NDFIP1: variants seen among roughly 807,000 people sequenced by gnomAD.
NDFIP1 encodes the protein Nedd4 family interacting protein 1.
A neutral mutation model predicts 28.8 loss-of-function variants in NDFIP1; 7 were observed. The ratio of observed to expected loss-of-function variants is 0.24; its 90% CI spans 0.14 to 0.46. The LOEUF is 0.46. NDFIP1 is among the 20% of genes least tolerant of loss of function. NDFIP1 has a pLI of 0.99. For missense variants in NDFIP1, 194 were observed against 269.1 expected (o/e 0.72, Z 1.95); for synonymous variants, 92 against 101.0 (o/e 0.91, Z 0.53).
chr5:142,110,243 C>T (rs1243395990), intron 1 of NDFIP1, among the ~76,000 whole-genome samples: 5 of 152,176 alleles, frequency 3.3e-5, no homozygotes, highest in Admixed American at 3.3e-4. Context: ...TGTGGCAATG[C>T]AGTTAATCCT....
chr5:142,147,727 G>A (rs938764936), intron 7 of NDFIP1, among the ~76,000 whole-genome samples: 12 of 152,206 alleles, frequency 7.9e-5, no homozygotes, highest in African/African-American at 2.9e-4. Context: ...CATGTACAGT[G>A]ATTCTTCTAG....
intron 7 of NDFIP1, among the ~76,000 whole-genome samples, chr5:142,145,478 T>A (rs949052451): frequency 6.6e-5 from 10 of 152,168 alleles, no homozygotes; most frequent in Admixed American, 4.6e-4. Context: ...CTTTGGGGAC[T>A]GTGTTAATCA....
chr5:142,141,703 G>A lies in NDFIP1; in HGVS notation c.562+1074G>A, dbSNP rs1561604150. Among the ~76,000 whole-genome samples, 16 of 152,256 alleles carry A rather than the reference G, an allele frequency of 1.1e-4. No homozygotes were observed. In the South Asian group the frequency reaches 3.1e-3, roughly 30 times the overall value. ...AAAGATGGTGTGATTGCCTCACTGT[G>A]CTTCTGTGACATCAGTTTCTCCTAT... On this transcript the variant is annotated intron_variant, in intron 6 of 7. Transcript: ENST00000253814.
At chr5:142,126,060 G>A (rs1757167482) in intron 1 of NDFIP1, among the ~76,000 whole-genome samples, 1 of 152,032 alleles carries the variant, frequency 6.6e-6, no homozygotes, top group Non-Finnish European at 1.5e-5. Context: ...AAATAATTTG[G>A]TGATGTTAGA....
At position 142,145,375 on chromosome 5, in the gene NDFIP1, T is replaced by G. The variant is rs545989704; in HGVS notation, c.*2+699T>G. Among the ~76,000 whole-genome samples the G allele has an allele frequency of 3.9e-5, 6 of 152,084 alleles. No individual in the cohort carries two copies. The South Asian group carries it at 1.2e-3, about 32-fold the overall frequency. Reference sequence around the variant, plus strand: ...ATCAATGGCTGCCTGAAGGAAGAGGTAGAGAATCTTGAGAAAGAGTACACC... The same window carrying G: ...ATCAATGGCTGCCTGAAGGAAGAGGGAGAGAATCTTGAGAAAGAGTACACC... On this transcript the variant is annotated intron_variant, in intron 7 of 7. Transcript: ENST00000253814.
chr5:142,136,662 G>T (rs1019029264), intron 4 of NDFIP1, among the ~76,000 whole-genome samples: 1 of 150,678 alleles, frequency 6.6e-6, no homozygotes, highest in Admixed American at 6.7e-5. Context: ...GGCTGAGGCA[G>T]GAGAATCGAT....
intron 1 of NDFIP1, among the ~76,000 whole-genome samples, chr5:142,114,598 C>T (rs1757047246): frequency 1.3e-5 from 2 of 152,176 alleles, no homozygotes; most frequent in South Asian, 2.1e-4. Flanking sequence ...TATTTTGAAA[C>T]GAATCCTAGA....
At chr5:142,135,938 GTGCCTT>G in intron 4 of NDFIP1, 121 bp downstream of exon 4, 1 of 624,300 alleles carries the variant, frequency 1.6e-6, no homozygotes, top group Non-Finnish European at 2.7e-6. Flanking sequence ...TGTTTATTTG[GTGCCTT>G]TTACTGGAAT....
At chr5:142,114,449 GTTTACATTTTCAAC>G (rs1273505023) in intron 1 of NDFIP1, among the ~76,000 whole-genome samples, 1 of 151,956 alleles carries the variant, frequency 6.6e-6, no homozygotes, top group Non-Finnish European at 1.5e-5. Flanking sequence ...TCTTCATGAT[GTTTACATTTTCAAC>G]TTTTTACTAT....
intron 1 of NDFIP1, among the ~76,000 whole-genome samples, chr5:142,112,878 A>T: frequency 6.6e-6 from 1 of 151,514 alleles, no homozygotes; most frequent in African/African-American, 2.4e-5. Flanking sequence ...ACTGTCTCAG[A>T]CAGTATGGAA....
At position 142,153,665 on chromosome 5, in the gene NDFIP1, A is replaced by G. The variant is rs922542223; in HGVS notation, c.*1937A>G. Reference sequence around the variant, plus strand: ...GCAACAATGGAGTTTGGAAGTTTGTATGGCCTATAATGTTCTAAGTTCCAG... The same window carrying G: ...GCAACAATGGAGTTTGGAAGTTTGTGTGGCCTATAATGTTCTAAGTTCCAG... On this transcript the variant is annotated 3_prime_UTR_variant, in exon 8 of 8. Transcript: ENST00000253814. The G allele has an allele frequency of 7.1e-6, 2 of 283,266 alleles. No homozygotes were observed. Among genetic ancestry groups the G allele is most frequent in the Admixed American group, 4.6e-5 (1 of 21,970 alleles). The allele number at this position is 283,266 out of a possible 1,614,324, so 17.5% of individuals were successfully genotyped here.
rs557185533 is a variant in NDFIP1, at chr5:142,152,225, T to G, written c.*497T>G. ...TTTGCTGTTCAAGTTAATCTAGAAA[T>G]TTATTCAATTCTGTATGAACACCTG... On this transcript the variant is annotated 3_prime_UTR_variant, in exon 8 of 8. Coordinates refer to ENST00000253814, the MANE Select transcript of NDFIP1 (RefSeq NM_030571.4). The G allele has an allele frequency of 6.5e-6, 1 of 152,894 alleles. No individual in the cohort carries two copies. Among genetic ancestry groups the G allele is most frequent in the East Asian group, 1.9e-4 (1 of 5,326 alleles). The allele number at this position is 152,894 out of a possible 1,614,324, so 9.5% of individuals were successfully genotyped here. A position where few individuals can be genotyped will look rare whatever the true frequency, so the allele number is the denominator to read the frequency against.
intron 1 of NDFIP1, among the ~76,000 whole-genome samples, chr5:142,114,196 C>T (rs992966456): frequency 1.3e-5 from 2 of 152,178 alleles, no homozygotes; most frequent in Non-Finnish European, 2.9e-5. Context: ...TCCAATTTCT[C>T]CATATCCTCA....
chr5:142,111,254 TAATG>T (rs1391571884), intron 1 of NDFIP1, among the ~76,000 whole-genome samples: 1 of 151,110 alleles, frequency 6.6e-6, no homozygotes, highest in Non-Finnish European at 1.5e-5. Context: ...GCTAGATAAA[TAATG>T]AAATAGGTTC....
chr5:142,129,911 CAA>C (rs749420090), intron 1 of NDFIP1, among the ~76,000 whole-genome samples: 12 of 62,662 alleles, frequency 1.9e-4, no homozygotes, highest in East Asian at 5.3e-4. Flanking sequence ...AACTACATCT[CAA>C]AAAAAAAAAA....
intron 1 of NDFIP1, among the ~76,000 whole-genome samples, chr5:142,124,965 A>C (rs1316023518): frequency 1.3e-5 from 2 of 152,112 alleles, no homozygotes; most frequent in African/African-American, 4.8e-5. Flanking sequence ...AGCTGGGACT[A>C]CAGGTGCCCA....
chr5:142,135,712 C>A lies in NDFIP1; in HGVS notation c.283-18C>A, dbSNP rs1757268470. 2.5e-6 allele frequency: 4 copies of A among 1,603,604 alleles called. No homozygotes were observed. The highest frequency in any genetic ancestry group is 2.6e-6 in the Non-Finnish European group (3 of 1,171,192). On this transcript the variant is annotated intron_variant, in intron 3 of 7. Coordinates refer to ENST00000253814, the MANE Select transcript of NDFIP1 (RefSeq NM_030571.4). ...GTCTTCCCTTTGCCTAGAAATAATTCTTTTTCTTTTCATTTAGGATGAGGA... is the reference window on the plus strand; with the variant it reads ...GTCTTCCCTTTGCCTAGAAATAATTATTTTTCTTTTCATTTAGGATGAGGA...
intron 1 of NDFIP1, among the ~76,000 whole-genome samples, chr5:142,123,257 C>T (rs953400404): frequency 1.3e-5 from 2 of 152,138 alleles, no homozygotes; most frequent in African/African-American, 4.8e-5. Flanking sequence ...GCCACTGTGC[C>T]TGGCCCAAAC....
intron 1 of NDFIP1, among the ~76,000 whole-genome samples, chr5:142,128,652 A>G (rs1015035635): frequency 1.3e-5 from 2 of 152,236 alleles, no homozygotes; most frequent in Non-Finnish European, 2.9e-5. Context: ...TCTTATCACC[A>G]GCATTATAGA....
Sources: allele counts gnomAD v4.1 joint callset (sites outside exome capture counted in the v4.1 genomes callset), GRCh38; gene constraint gnomAD v4.1.1; transcripts MANE v1.5; gene names NCBI Gene and HGNC (gene_info 2026-07-23, HGNC 2026-07-21).